Variants in NPAT observed in about 807,000 individuals in gnomAD.
The protein encoded by NPAT is nuclear protein, coactivator of histone transcription.
Under a neutral mutation model 130.7 loss-of-function variants are expected in NPAT, and 52 were observed. The ratio of observed to expected loss-of-function variants is 0.40; its 90% confidence interval spans 0.32 to 0.50. The LOEUF (loss-of-function observed/expected upper bound fraction) is 0.50. NPAT is among the 20% of genes least tolerant of loss of function. The pLI is 0.68. For missense variants in NPAT, 1,687 were observed against 1,662.6 expected (o/e 1.01, Z -0.26); for synonymous variants, 580 against 584.8 (o/e 0.99, Z 0.12).
rs1226463017 is a variant in NPAT, at chr11:108,161,799, G to A, written c.3287C>T (p.Pro1096Leu). The change falls in exon 17 of 18, where the codon CCT becomes CTT. Residue 1096 changes from proline to leucine, a missense_variant. Transcript: ENST00000278612. ...GGACACATTGGGTGAGTCAAGATTA[G>A]GAAAAGAGACTGCATTCCTTTCTTT... ...QNKERNAVSF[P>L]NLDSPNVSST... 1 of 1,613,984 alleles carries A rather than the reference G, an allele frequency of 6.2e-7. No individual in the cohort carries two copies. Among genetic ancestry groups the A allele is most frequent in the East Asian group, 2.2e-5 (1 of 44,880 alleles).
intron 10 of NPAT, among the ~76,000 whole-genome samples, chr11:108,177,936 G>C (rs1395563020): frequency 1.3e-5 from 2 of 152,064 alleles, no homozygotes; most frequent in Non-Finnish European, 2.9e-5. Context: ...GCCCAGGCTG[G>C]TCTTGAACTC....
chr11:108,213,267 C>G lies in NPAT; in HGVS notation c.37+9233G>C, dbSNP rs559968661. On this transcript the variant is annotated intron_variant, in intron 1 of 17. Coordinates refer to ENST00000278612, the MANE Select transcript of NPAT (RefSeq NM_002519.3). ...CAGCCTGGGCAACAAGAGCGAAACT[C>G]TGTCCCAAAAACAAAACGAAACAAA... Among the ~76,000 whole-genome samples the G allele has an allele frequency of 2.6e-5, 4 of 152,172 alleles. No homozygotes were observed. In the East Asian group the frequency reaches 7.7e-4, roughly 29 times the overall value.
rs774623796 is a variant in NPAT at position 108,222,579 on chromosome 11, G to A, written c.-43C>T. On this transcript the variant is annotated 5_prime_UTR_variant, in exon 1 of 18. Coordinates refer to ENST00000278612, the MANE Select transcript of NPAT (RefSeq NM_002519.3). Reference sequence around the variant, plus strand: ...GAACCACAATAAGGAACAAGACTCAGGTTAAAGCAAACACAGCGACAGCTC... The same window carrying A: ...GAACCACAATAAGGAACAAGACTCAAGTTAAAGCAAACACAGCGACAGCTC... 3.7e-6 allele frequency: 6 copies of A among 1,611,036 alleles called. No individual in the cohort carries two copies. In the East Asian group the frequency reaches 8.9e-5, roughly 24 times the overall value.
rs113012113 is a variant in NPAT at position 108,203,726 on chromosome 11, CAGTT to C, written c.38-6310_38-6307del. Among the ~76,000 whole-genome samples, 1,180 of 152,278 alleles carry C rather than the reference CAGTT, an allele frequency of 7.7e-3. 8 individuals are homozygous for C. The highest frequency in any genetic ancestry group is 0.024 in the African/African-American group (1,009 of 41,562). ...CCAAGGGATTATATACTCCCCTAAA[CAGTT>C]ATTTTTCTTCTAAAGTTTAACTGTC... is the stretch of plus-strand genomic sequence containing the variant. On this transcript the variant is annotated intron_variant, in intron 1 of 17. Transcript: ENST00000278612.
chr11:108,208,825 C>T (rs1174920455), intron 1 of NPAT, among the ~76,000 whole-genome samples: 1 of 152,128 alleles, frequency 6.6e-6, no homozygotes, highest in Non-Finnish European at 1.5e-5. Context: ...AGCTATAGAA[C>T]ATTCCAGTCA....
intron 10 of NPAT, among the ~76,000 whole-genome samples, chr11:108,184,842 T>C (rs775269897): frequency 4.6e-5 from 7 of 152,220 alleles, no homozygotes; most frequent in African/African-American, 1.2e-4. Context: ...CCATTACATA[T>C]CTTTATTGTA....
At chr11:108,176,021 A>C (rs1018980695) in intron 12 of NPAT, among the ~76,000 whole-genome samples, 3 of 152,220 alleles carry the variant, frequency 2.0e-5, no homozygotes, top group Non-Finnish European at 4.4e-5. Flanking sequence ...TCAAAAAACA[A>C]ACACACACCA....
Position 108,179,734 on chromosome 11 carries a change from A to G in NPAT, c.907-2644T>C, listed in dbSNP as rs1445205771. Among the ~76,000 whole-genome samples the G allele has an allele frequency of 2.6e-5, 4 of 152,104 alleles. No individual in the cohort carries two copies. The South Asian group carries it at 8.3e-4, about 32-fold the overall frequency. ...GAGGCCAAGGCAGGAGGATGGCTTG[A>G]GTCCAGGAGTTCAAGACCAGCCTGG... On this transcript the variant is annotated intron_variant, in intron 10 of 17. Coordinates refer to ENST00000278612, the MANE Select transcript of NPAT (RefSeq NM_002519.3).
At chr11:108,170,168 C>T (rs889598398) in intron 13 of NPAT, 125 bp from the exon 14 acceptor site, 7 of 682,732 alleles carry the variant, frequency 1.0e-5, no homozygotes, top group African/African-American at 9.0e-5. Context: ...CTCTTCCTTA[C>T]GATCCACTCT....
chr11:108,166,020 T>C (rs1032162289), intron 15 of NPAT, among the ~76,000 whole-genome samples: 4 of 148,438 alleles, frequency 2.7e-5, no homozygotes, highest in Non-Finnish European at 6.0e-5. Flanking sequence ...CTGGGCTCAG[T>C]GATCCACCTG....
At chr11:108,165,307 G>GA (rs1239372041) in intron 15 of NPAT, among the ~76,000 whole-genome samples, 1 of 151,580 alleles carries the variant, frequency 6.6e-6, no homozygotes, top group Admixed American at 6.6e-5. Flanking sequence ...TTTTGAGACA[G>GA]GTCTATGTTG....
Position 108,172,434 on chromosome 11 carries a change from T to C in NPAT, c.2550A>G (p.Ile850Met). Residue 850 changes from isoleucine (I) to methionine (M), a missense_variant, in exon 13 of 18, where the codon ATA becomes ATG. Around this residue, in one of 3 missense-constraint regions of NPAT, gnomAD observed 1,379 missense variants for 1,346.6 expected, o/e 1.02. Transcript: ENST00000278612. ...TPCVSKDGGY[I>M]QLMPATSTAF... is the part of the protein sequence containing the mutation. ...CTGTGCTTGTGGCTGGCATCAACTG[T>C]ATATATCCTCCATCCTTGGAAACAC... The C allele has an allele frequency of 1.9e-6, 3 of 1,614,182 alleles. No homozygotes were observed. The highest frequency in any genetic ancestry group is 2.5e-6 in the Non-Finnish European group (3 of 1,180,014).
chr11:108,186,965 C>T (rs566647369), intron 7 of NPAT, among the ~76,000 whole-genome samples: 1 of 151,994 alleles, frequency 6.6e-6, no homozygotes, highest in African/African-American at 2.4e-5. Flanking sequence ...GTCTTGAATT[C>T]AAAAAAATGA....
intron 13 of NPAT, 115 bp downstream of exon 13, chr11:108,172,084 T>A (rs2077956628): frequency 3.4e-6 from 3 of 890,686 alleles, no homozygotes; most frequent in South Asian, 1.4e-5. Flanking sequence ...AATTTCAGAA[T>A]CTTTTCTCAT....
intron 1 of NPAT, among the ~76,000 whole-genome samples, chr11:108,197,722 T>C (rs1244732870): frequency 2.6e-5 from 4 of 152,224 alleles, no homozygotes; most frequent in Non-Finnish European, 5.9e-5. Flanking sequence ...TAAATAACTA[T>C]GTCCCTCTAC....
At chr11:108,177,809 C>T (rs760465863) in intron 10 of NPAT, among the ~76,000 whole-genome samples, 53 of 152,070 alleles carry the variant, frequency 3.5e-4, no homozygotes, top group Non-Finnish European at 7.2e-4. Context: ...CAGCCTTGAC[C>T]TCCCGAGCTC....
At chr11:108,219,315 T>C (rs1322680830) in intron 1 of NPAT, among the ~76,000 whole-genome samples, 2 of 152,212 alleles carry the variant, frequency 1.3e-5, no homozygotes, top group East Asian at 1.9e-4. Context: ...AGCCTCTTGA[T>C]TGCTTCCTCT....
chr11:108,221,013 A>G (rs2078484224), intron 1 of NPAT, among the ~76,000 whole-genome samples: 1 of 152,264 alleles, frequency 6.6e-6, no homozygotes, highest in Non-Finnish European at 1.5e-5. Context: ...AATGAAAAGC[A>G]GGAAGTCAGC....
At chr11:108,221,364 A>G (rs2078492404) in intron 1 of NPAT, among the ~76,000 whole-genome samples, 1 of 152,202 alleles carries the variant, frequency 6.6e-6, no homozygotes, top group Non-Finnish European at 1.5e-5. Context: ...AGTTACCGAA[A>G]CTCAACTAGA....
Sources: allele counts gnomAD v4.1 joint callset (sites outside exome capture counted in the v4.1 genomes callset), GRCh38; gene constraint gnomAD v4.1.1; regional missense constraint gnomAD v4.1.1; transcripts MANE v1.5; gene names NCBI Gene and HGNC (gene_info 2026-07-23, HGNC 2026-07-21).